KDM3B: variants seen among roughly 807,000 people sequenced by gnomAD.
The protein encoded by KDM3B is lysine demethylase 3B.
KDM3B carries 10 observed loss-of-function variants against 170.0 expected under a neutral mutation model. The ratio of observed to expected loss-of-function variants is 0.06; its 90% CI spans 0.04 to 0.10. The LOEUF is 0.10. KDM3B is among the 10% of genes least tolerant of loss of function. KDM3B has a pLI of 1.00. For missense variants in KDM3B, 1,394 were observed against 2,195.2 expected (o/e 0.64, Z 7.29); for synonymous variants, 831 against 834.8 (o/e 1.00, Z 0.08).
At chr5:138,406,381 C>T (rs1276403837) in intron 11 of KDM3B, among the ~76,000 whole-genome samples, 8 of 151,982 alleles carry the variant, frequency 5.3e-5, no homozygotes, top group Non-Finnish European at 1.0e-4. Context: ...CAGTGGCTCA[C>T]GCCTGTAATC....
intron 1 of KDM3B, among the ~76,000 whole-genome samples, chr5:138,368,495 C>T (rs1179787680): frequency 6.6e-6 from 1 of 152,058 alleles, no homozygotes; most frequent in Non-Finnish European, 1.5e-5. Flanking sequence ...CCTCCCGCCT[C>T]AGCCTCCCAC....
At chr5:138,426,207 A>G (rs1236530690) in intron 17 of KDM3B, among the ~76,000 whole-genome samples, 3 of 152,080 alleles carry the variant, frequency 2.0e-5, no homozygotes, top group Non-Finnish European at 2.9e-5. Context: ...AATAAGACAC[A>G]CACTAAAGTA....
chr5:138,424,153 G>C lies in KDM3B; in HGVS notation c.4051G>C (p.Asp1351His). ...AGTGGTAGAAAATAAGAAAACCTCA[G>C]ATGCTTCAAAGCGGGCCTGCAACTT... ...ASVVENKKTS[D>H]ASKRACNLTD... The change falls in exon 16 of 24, where the codon GAT (aspartate) becomes CAT (histidine). Residue 1351 changes from aspartate to histidine, a missense_variant. Coordinates refer to ENST00000314358, the MANE Select transcript of KDM3B (RefSeq NM_016604.4). The C allele has an allele frequency of 6.2e-7, 1 of 1,613,770 alleles. No individual in the cohort carries two copies. Among genetic ancestry groups the C allele is most frequent in the East Asian group, 2.2e-5 (1 of 44,868 alleles).
At chr5:138,379,016 C>T (rs376053830) in intron 4 of KDM3B, among the ~76,000 whole-genome samples, 1 of 152,024 alleles carries the variant, frequency 6.6e-6, no homozygotes, top group South Asian at 2.1e-4. Context: ...TGAAACTCTG[C>T]GTTCCTAGGA....
At chr5:138,388,059 C>G (rs966670494) in intron 7 of KDM3B, among the ~76,000 whole-genome samples, 2 of 151,784 alleles carry the variant, frequency 1.3e-5, no homozygotes, top group Non-Finnish European at 2.9e-5. Flanking sequence ...CCAGCCTGGG[C>G]GACAGAGCAA....
At chr5:138,385,469 G>A (rs1762234409) in intron 6 of KDM3B, among the ~76,000 whole-genome samples, 3 of 152,216 alleles carry the variant, frequency 2.0e-5, no homozygotes, top group African/African-American at 7.2e-5. Flanking sequence ...CTGACCTTGT[G>A]ATCTGCCCGC....
At position 138,436,065 on chromosome 5, in the gene KDM3B, T is replaced by A. The variant is rs1332362688; in HGVS notation, c.*365T>A. Reference sequence around the variant, plus strand: ...TTGTGCCTAGTTAAGTGGAAATGTGTTTGGAGATAGGGGAAATCACATAAC... The same window carrying A: ...TTGTGCCTAGTTAAGTGGAAATGTGATTGGAGATAGGGGAAATCACATAAC... On this transcript the variant is annotated 3_prime_UTR_variant, in exon 24 of 24. Coordinates refer to ENST00000314358, the MANE Select transcript of KDM3B (RefSeq NM_016604.4). The A allele has an allele frequency of 8.6e-6, 2 of 233,746 alleles. No individual in the cohort carries two copies. Among genetic ancestry groups the A allele is most frequent in the East Asian group, 2.4e-4 (2 of 8,470 alleles). The allele number at this position is 233,746 out of a possible 1,614,324, so 14.5% of individuals were successfully genotyped here.
At chr5:138,411,536 A>C (rs1374802690) in intron 11 of KDM3B, among the ~76,000 whole-genome samples, 1 of 152,078 alleles carries the variant, frequency 6.6e-6, no homozygotes, top group Non-Finnish European at 1.5e-5. Context: ...ACCTCCCACC[A>C]TATACAAAAT....
Position 138,427,270 on chromosome 5 carries a change from T to C in KDM3B, c.4584T>C (p.Pro1528=). 6.2e-7 allele frequency: 1 copy of C among 1,614,150 alleles called. No homozygotes were observed. The highest frequency in any genetic ancestry group is 8.5e-7 in the Non-Finnish European group (1 of 1,179,958). Residue 1528 remains proline, a synonymous_variant, in exon 19 of 24, where the codon CCT becomes CCC. Coordinates refer to ENST00000314358, the MANE Select transcript of KDM3B (RefSeq NM_016604.4). ...DGRLNLASRL[P]SYFVRPDLGP... Reference sequence around the variant, plus strand: ...GGCTCAATCTGGCCTCTAGGCTACCTAGCTACTTTGTAAGGCCTGATCTGG... The same window carrying C: ...GGCTCAATCTGGCCTCTAGGCTACCCAGCTACTTTGTAAGGCCTGATCTGG...
intron 6 of KDM3B, among the ~76,000 whole-genome samples, chr5:138,382,566 G>T (rs1474846773): frequency 6.6e-6 from 1 of 152,108 alleles, no homozygotes; most frequent in Non-Finnish European, 1.5e-5. Flanking sequence ...TGGCACCTCT[G>T]TAATATTGCT....
At position 138,391,597 on chromosome 5, in the gene KDM3B, G is replaced by A; in HGVS notation, c.1965G>A (p.Gln655=). 2 of 1,614,100 alleles carry A rather than the reference G, an allele frequency of 1.2e-6. No homozygotes were observed. The highest frequency in any genetic ancestry group is 1.7e-6 in the Non-Finnish European group (2 of 1,180,030). The part of the protein sequence containing the change: ...EHSPFSSFAS[Q]ASGSSSSATT... ...GCCCTTTCAGTAGTTTTGCATCTCA[G>A]GCATCAGGTAGCTCCTCTTCTGCTA... Residue 655 remains glutamine (Q), a synonymous_variant, in exon 8 of 24, where the codon CAG becomes CAA. Coordinates refer to ENST00000314358, the MANE Select transcript of KDM3B (RefSeq NM_016604.4). This position sits in a 1 kb window ranked among gnomAD's most constrained non-coding sequence, Gnocchi z 5.0.
chr5:138,353,566 A>G (rs955447961), intron 1 of KDM3B, among the ~76,000 whole-genome samples: 1 of 152,020 alleles, frequency 6.6e-6, no homozygotes, highest in East Asian at 1.9e-4. Flanking sequence ...AGCTCTCGGC[A>G]CTGTCTCGAG....
intron 23 of KDM3B, among the ~76,000 whole-genome samples, chr5:138,433,024 G>A (rs990722718): frequency 3.9e-5 from 6 of 151,980 alleles, no homozygotes; most frequent in Admixed American, 1.3e-4. Flanking sequence ...GATTACAGGC[G>A]TGAGCCACTG....
rs1580911855 is a variant in KDM3B at position 138,393,171 on chromosome 5, T to C, written c.2630T>C (p.Val877Ala). 1.9e-6 allele frequency: 3 copies of C among 1,613,826 alleles called. No individual in the cohort carries two copies. The East Asian group carries it at 6.7e-5, about 36-fold the overall frequency. Residue 877 changes from valine to alanine, a missense_variant and splice_region_variant, in exon 9 of 24, where the codon GTT becomes GCT. Physicochemically the swap from Val to Ala is moderately conservative, Grantham distance 64 (BLOSUM62 0). Around this residue, in one of 19 missense-constraint regions of KDM3B, gnomAD observed 76 missense variants for 190.2 expected, o/e 0.40. Coordinates refer to ENST00000314358, the MANE Select transcript of KDM3B (RefSeq NM_016604.4). ...KGRPRTAPLKVGQSVLKDVSK... is the reference protein window; with the variant it reads ...KGRPRTAPLKAGQSVLKDVSK... ...TTTTCTTCTCTCCCCCTTGCCACAG[T>C]TGGCCAGTCAGTGCTGAAAGATGTA...
chr5:138,408,850 A>C (rs559816209), intron 11 of KDM3B, among the ~76,000 whole-genome samples: 1 of 152,338 alleles, frequency 6.6e-6, no homozygotes, highest in East Asian at 1.9e-4. Context: ...TAGGCTATGC[A>C]TTCTCATCAG....
At chr5:138,364,148 C>G (rs1761686237) in intron 1 of KDM3B, among the ~76,000 whole-genome samples, 1 of 151,880 alleles carries the variant, frequency 6.6e-6, no homozygotes, top group African/African-American at 2.4e-5. Flanking sequence ...AAACTCCTGA[C>G]CATAAGTGAT....
At chr5:138,384,740 CAA>C (rs58389517) in intron 6 of KDM3B, among the ~76,000 whole-genome samples, 175 of 85,926 alleles carry the variant, frequency 2.0e-3, no homozygotes, top group African/African-American at 5.7e-3. Flanking sequence ...ACTCTTGTCT[CAA>C]AAAAAAAAAA....
intron 1 of KDM3B, among the ~76,000 whole-genome samples, chr5:138,367,965 A>G (rs138298543): frequency 0.041 from 6,256 of 151,948 alleles, 176 homozygotes; most frequent in South Asian, 0.11. Flanking sequence ...GTGAGCCGAG[A>G]TCGCACCACT....
chr5:138,392,114 C>T lies in KDM3B; in HGVS notation c.2482C>T (p.Leu828=). The T allele has an allele frequency of 6.2e-7, 1 of 1,607,280 alleles. No individual in the cohort carries two copies. Among genetic ancestry groups the T allele is most frequent in the Non-Finnish European group, 8.5e-7 (1 of 1,174,400 alleles). The change falls in exon 8 of 24, where the codon CTG becomes TTG. Residue 828 remains leucine (L), a synonymous_variant. Coordinates refer to ENST00000314358, the MANE Select transcript of KDM3B (RefSeq NM_016604.4). ...LSDLSDSEEQ[L]QAKTGLKGIP... Reference sequence around the variant, plus strand: ...AGATTTGAGTGACTCTGAGGAGCAGCTGCAGGCTAAGACAGGCCTGAAGGG... The same window carrying T: ...AGATTTGAGTGACTCTGAGGAGCAGTTGCAGGCTAAGACAGGCCTGAAGGG...
Sources: gnomAD v4.1 joint callset for allele counts (sites outside exome capture counted in the v4.1 genomes callset) on GRCh38, gnomAD v4.1.1 for gene constraint, gnomAD v4.1.1 regional missense constraint, Gnocchi (gnomAD v3.1) non-coding constraint, MANE v1.5 for transcripts, NCBI Gene and HGNC (gene_info 2026-07-23, HGNC 2026-07-21) for gene names.